The following KIAA0586 variants were observed in gnomAD, a reference collection of about 807,000 sequenced individuals.
KIAA0586 encodes KIAA0586, also known as protein TALPID3.
KIAA0586 carries 144 observed loss-of-function variants against 169.8 expected under a neutral mutation model. That is an observed-to-expected ratio of 0.85 (90% CI 0.74 to 0.97). KIAA0586 has a LOEUF of 0.97. KIAA0586 is among the 50% of genes least tolerant of loss of function. The pLI is 0.00. For synonymous variants in KIAA0586, 625 were observed against 612.4 expected, an observed-to-expected ratio of 1.02 and a Z score of -0.30; for missense variants, 1,854 against 1,823.0, an observed-to-expected ratio of 1.02 and a Z score of -0.31.
rs555899542 is a variant in KIAA0586 at position 58,474,799 on chromosome 14, T to C, written c.2825+2T>C. 1 of 1,579,972 alleles carries C rather than the reference T, an allele frequency of 6.3e-7. No homozygotes were observed. Among genetic ancestry groups the C allele is most frequent in the East Asian group, 2.2e-5 (1 of 44,590 alleles). ...ACTGGAAAATAGCTTAATTCAATGG[T>C]AAGTTTATAATGTTTTTGGTATGAA... On this transcript the variant is annotated splice_donor_variant, in intron 19 of 30. Coordinates refer to ENST00000652326, the MANE Select transcript of KIAA0586 (RefSeq NM_001329943.3). LOFTEE classifies it high-confidence loss of function.
intron 27 of KIAA0586, among the ~76,000 whole-genome samples, chr14:58,501,130 C>T (rs1413258666): frequency 6.6e-6 from 1 of 152,138 alleles, no homozygotes; most frequent in African/African-American, 2.4e-5. Flanking sequence ...AAAGAAACTT[C>T]TGGAGGCATG....
At chr14:58,448,559 C>T in intron 7 of KIAA0586, 66 bp downstream of exon 7, 3 of 1,182,790 alleles carry the variant, frequency 2.5e-6, no homozygotes, top group East Asian at 2.5e-5. Flanking sequence ...GCTACATAAG[C>T]TGAAAACATA....
intron 8 of KIAA0586, among the ~76,000 whole-genome samples, chr14:58,452,951 C>G (rs988525709): frequency 2.7e-5 from 4 of 149,530 alleles, no homozygotes; most frequent in African/African-American, 9.9e-5. Flanking sequence ...GAGTTTCACT[C>G]TTGTCGCCCA....
intron 29 of KIAA0586, among the ~76,000 whole-genome samples, chr14:58,513,580 T>G (rs1464606811): frequency 7.6e-6 from 1 of 132,140 alleles, no homozygotes; most frequent in East Asian, 2.0e-4. Context: ...CTCCTGACCC[T>G]TTTTTTTTTT....
chr14:58,472,256 G>T lies in KIAA0586; in HGVS notation c.2611G>T (p.Asp871Tyr). 1 of 1,576,514 alleles carries T rather than the reference G, an allele frequency of 6.3e-7. No homozygotes were observed. Among genetic ancestry groups the T allele is most frequent in the South Asian group, 1.2e-5 (1 of 84,752 alleles). The change falls in exon 18 of 31, where the codon GAT becomes TAT. Residue 871 changes from aspartate to tyrosine, a missense_variant. Transcript: ENST00000652326. ...GGTGAAGTTTCCAGGAACTAACTTT[G>T]ATGAAATAATCGATGTCATACAGGT... ...EEVKFPGTNF[D>Y]EIIDVIQEEE...
Position 58,482,598 on chromosome 14 carries a change from C to G in KIAA0586, c.3030C>G (p.Asn1010Lys). Residue 1010 changes from asparagine to lysine, a missense_variant, in exon 21 of 31, where the codon AAC becomes AAG. Physicochemically the swap from Asn to Lys is moderately conservative, Grantham distance 94. Transcript: ENST00000652326. ...VNSNVIKHFV[N>K]EALAETIAVM... ...CAAATGTGATTAAACATTTTGTTAA[C>G]GAAGCTCTTGCTGAGACCATTGCTG... The G allele has an allele frequency of 6.2e-7, 1 of 1,605,278 alleles. No homozygotes were observed. Among genetic ancestry groups the G allele is most frequent in the Non-Finnish European group, 8.5e-7 (1 of 1,175,282 alleles).
intron 27 of KIAA0586, among the ~76,000 whole-genome samples, chr14:58,499,959 A>G (rs1044222082): frequency 6.6e-6 from 1 of 152,224 alleles, no homozygotes; most frequent in African/African-American, 2.4e-5. Flanking sequence ...TACTGTAGAC[A>G]TTTATTCTTT....
intron 29 of KIAA0586, among the ~76,000 whole-genome samples, chr14:58,537,917 G>T (rs1290195870): frequency 6.6e-6 from 1 of 152,110 alleles, no homozygotes; most frequent in African/African-American, 2.4e-5. Flanking sequence ...AAAGTGCTGG[G>T]ATTACAGGCG....
In KIAA0586 at chr14:58,467,853, A is replaced by G; in HGVS notation, c.2373A>G (p.Val791=). ...CATCTCGAAAAGTAGAAACTGGAGT[A>G]AAGAAACCTAACATAGCCATTGTAG... The part of the protein sequence containing the change: ...PPSSRKVETG[V]KKPNIAIVEM... Residue 791 remains valine (V), a synonymous_variant, in exon 16 of 31, where the codon GTA becomes GTG. Coordinates refer to ENST00000652326, the MANE Select transcript of KIAA0586 (RefSeq NM_001329943.3). 1 of 1,613,844 alleles carries G rather than the reference A, an allele frequency of 6.2e-7. No individual in the cohort carries two copies. The highest frequency in any genetic ancestry group is 1.6e-4 in the Middle Eastern group (1 of 6,062).
At chr14:58,428,938 G>A (rs2037118382) in intron 1 of KIAA0586, among the ~76,000 whole-genome samples, 1 of 152,124 alleles carries the variant, frequency 6.6e-6, no homozygotes, top group Admixed American at 6.5e-5. Context: ...CCACTTCGCT[G>A]CTAATTGTGA....
rs763185199 is a variant in KIAA0586, at chr14:58,430,724, G to T, written c.340+7G>T. 6.6e-7 allele frequency: 1 copy of T among 1,511,714 alleles called. No homozygotes were observed. Among genetic ancestry groups the T allele is most frequent in the African/African-American group, 1.4e-5 (1 of 72,390 alleles). 93.6% of individuals were successfully genotyped at this position (1,511,714 alleles called of 1,614,324 possible). ...GAGAACAACAAGCAAAAAGGTAAAA[G>T]AATAATATTGATTTTTTTAAATTGT... On this transcript the variant is annotated splice_region_variant and intron_variant, in intron 3 of 30. Coordinates refer to ENST00000652326, the MANE Select transcript of KIAA0586 (RefSeq NM_001329943.3).
At chr14:58,497,532 G>A (rs996123727) in intron 26 of KIAA0586, among the ~76,000 whole-genome samples, 2 of 150,616 alleles carry the variant, frequency 1.3e-5, no homozygotes, top group African/African-American at 4.9e-5. Flanking sequence ...GCTAATTTTT[G>A]TACTTTTTTT....
chr14:58,490,114 T>C, intron 24 of KIAA0586, 50 bp from the exon 25 acceptor site: 1 of 884,846 alleles, frequency 1.1e-6, no homozygotes, highest in African/African-American at 1.8e-5. Flanking sequence ...GATTATTTAC[T>C]AAGTTTGTGT....
intron 4 of KIAA0586, 118 bp downstream of exon 4, chr14:58,432,575 A>G (rs1350105783): frequency 5.2e-6 from 3 of 575,752 alleles, no homozygotes; most frequent in Non-Finnish European, 6.1e-6. Flanking sequence ...TGATATGTAT[A>G]AAGCATTTCT....
chr14:58,489,030 G>C (rs1402621176), intron 24 of KIAA0586, among the ~76,000 whole-genome samples, 156 bp downstream of exon 24: 4 of 151,958 alleles, frequency 2.6e-5, no homozygotes, highest in Admixed American at 6.6e-5. Flanking sequence ...AACTTTTCTG[G>C]GTCTTAACTT....
In KIAA0586 at chr14:58,484,900, A is replaced by ATTTATATATATATTTT. The variant is rs373179400; in HGVS notation, c.3145-2106_3145-2105insTTATATATATATTTTT. On this transcript the variant is annotated intron_variant, in intron 21 of 30. Transcript: ENST00000652326. The stretch of plus-strand genomic sequence containing the variant: ...ATATTATATATATATTTATATATAT[A>ATTTATATATATATTTT]TATATATATATATATATATATATAT... 9.1e-3 allele frequency among the ~76,000 whole-genome samples: 83 copies of ATTTATATATATATTTT among 9,168 alleles called. 3 individuals carry two copies. Among genetic ancestry groups the ATTTATATATATATTTT allele is most frequent in the South Asian group, 0.022 (5 of 228 alleles). 6.0% of individuals were successfully genotyped at this position (9,168 alleles called of 152,430 possible).
At chr14:58,555,422 G>A (rs2047236735), downstream of KIAA0586, among the ~76,000 whole-genome samples, 1 of 151,948 alleles carries the variant, frequency 6.6e-6, no homozygotes, top group Non-Finnish European at 1.5e-5. Context: ...TTTCATCAAG[G>A]AACAGGTTCT....
intron 27 of KIAA0586, among the ~76,000 whole-genome samples, chr14:58,505,164 C>T (rs975354271): frequency 6.6e-6 from 1 of 152,092 alleles, no homozygotes; most frequent in Admixed American, 6.5e-5. Context: ...CATGCATGTA[C>T]AATATATATG....
At chr14:58,477,101 A>G (rs1203841462) in intron 19 of KIAA0586, 22 bp from the exon 20 acceptor site, 19 of 1,297,724 alleles carry the variant, frequency 1.5e-5, no homozygotes, top group Middle Eastern at 1.8e-4. Context: ...CTTAACTTTT[A>G]TCTGCCCCAC....
Sources: gnomAD v4.1 joint callset for allele counts (sites outside exome capture counted in the v4.1 genomes callset) on GRCh38, gnomAD v4.1.1 for gene constraint, MANE v1.5 for transcripts, NCBI Gene and HGNC (gene_info 2026-07-23, HGNC 2026-07-21) for gene names.